Variants in KDM4A observed in about 807,000 individuals in gnomAD.
KDM4A encodes lysine demethylase 4A.
In KDM4A, 23 loss-of-function variants were observed where a neutral mutation model predicts 127.1. The observed-to-expected ratio is 0.18, with a 90% confidence interval of 0.13 to 0.26. The LOEUF (loss-of-function observed/expected upper bound fraction) is 0.26. Ranked by LOEUF, KDM4A falls within the 10% of genes least tolerant of loss-of-function variation. KDM4A has a pLI of 1.00. For missense variants in KDM4A, 890 were observed against 1,329.1 expected, an observed-to-expected ratio of 0.67 and a Z score of 5.14; for synonymous variants, 443 against 466.5, an observed-to-expected ratio of 0.95 and a Z score of 0.65.
chr1:43,655,774 G>C lies in KDM4A; in HGVS notation c.314+8G>C, dbSNP rs367739503. The C allele has an allele frequency of 1.1e-5, 18 of 1,601,784 alleles. No individual in the cohort carries two copies. Among genetic ancestry groups the C allele is most frequent in the Non-Finnish European group, 1.5e-5 (18 of 1,172,320 alleles). On this transcript the variant is annotated splice_region_variant and intron_variant, in intron 3 of 21. Coordinates refer to ENST00000372396, the MANE Select transcript of KDM4A (RefSeq NM_014663.3). ...GATAGCCAATAGCGATAAGTGAGTGGAAACCCTTTCTTACCTGACATAGCA... is the reference window on the plus strand; with the variant it reads ...GATAGCCAATAGCGATAAGTGAGTGCAAACCCTTTCTTACCTGACATAGCA...
chr1:43,703,949 G>A, intron 20 of KDM4A, 71 bp from the exon 21 acceptor site: 2 of 1,395,306 alleles, frequency 1.4e-6, no homozygotes, highest in Non-Finnish European at 2.0e-6. Context: ...GTAGGGGACT[G>A]CCACTGTGCA....
At chr1:43,666,272 TG>T (rs1385590685) in intron 6 of KDM4A, 179 bp from the exon 7 acceptor site, 1 of 579,960 alleles carries the variant, frequency 1.7e-6, no homozygotes, top group Non-Finnish European at 3.0e-6. Flanking sequence ...TACATGGGAG[TG>T]AGCCTAGAGG....
chr1:43,689,458 G>A (rs1661058495), intron 13 of KDM4A, among the ~76,000 whole-genome samples: 1 of 152,208 alleles, frequency 6.6e-6, no homozygotes, highest in African/African-American at 2.4e-5. Context: ...CCTTACCACA[G>A]TCTGAACCTC....
chr1:43,698,461 A>G (rs537187197), intron 19 of KDM4A, among the ~76,000 whole-genome samples: 2 of 152,278 alleles, frequency 1.3e-5, no homozygotes, highest in African/African-American at 4.8e-5. Flanking sequence ...CTTTAGGGCT[A>G]AGTAGAAACT....
At chr1:43,683,842 T>C in intron 12 of KDM4A, 38 bp downstream of exon 12, 1 of 1,611,298 alleles carries the variant, frequency 6.2e-7, no homozygotes, top group South Asian at 1.1e-5. Flanking sequence ...GGAAAGCAGC[T>C]CACCACATTA....
At chr1:43,675,069 G>A (rs1161784381) in intron 11 of KDM4A, among the ~76,000 whole-genome samples, 1 of 152,198 alleles carries the variant, frequency 6.6e-6, no homozygotes, top group Non-Finnish European at 1.5e-5. Context: ...ACCCTTGAGT[G>A]TCTTCTTGGT....
chr1:43,659,323 T>G (rs1365369634), intron 3 of KDM4A, among the ~76,000 whole-genome samples: 1 of 152,060 alleles, frequency 6.6e-6, no homozygotes, highest in African/African-American at 2.4e-5. Context: ...TTTCTTTTCT[T>G]TTTTTGAGAC....
At chr1:43,654,179 C>T (rs1427907850) in intron 2 of KDM4A, among the ~76,000 whole-genome samples, 1 of 152,172 alleles carries the variant, frequency 6.6e-6, no homozygotes, top group African/African-American at 2.4e-5. Flanking sequence ...TGCAGTTTTT[C>T]ATAGCACATT....
At chr1:43,658,021 A>G (rs984791259) in intron 3 of KDM4A, among the ~76,000 whole-genome samples, 2 of 148,804 alleles carry the variant, frequency 1.3e-5, no homozygotes, top group African/African-American at 5.0e-5. Context: ...CCCTATGTCT[A>G]TTCCTTTCGT....
At chr1:43,670,076 A>G (rs890592690) in intron 10 of KDM4A, among the ~76,000 whole-genome samples, 5 of 152,260 alleles carry the variant, frequency 3.3e-5, no homozygotes, top group South Asian at 4.1e-4. Context: ...GAAATAGGAG[A>G]TGATGTAGGG....
In KDM4A at chr1:43,694,731, G is replaced by A. The variant is rs750367448; in HGVS notation, c.2507G>A (p.Arg836Gln). ...CAGAAATGTATCTTCTGTAAGAAGC[G>A]GAGGAAAAGAACTGCTGGCTGCTGT... Reference protein sequence around the residue: ...FKLKCIFCKKRRKRTAGCCVQ... With the variant: ...FKLKCIFCKKQRKRTAGCCVQ... The change falls in exon 18 of 22, where the codon CGG becomes CAG. Residue 836 changes from arginine (R) to glutamine (Q), a missense_variant. Around this residue, in one of 7 missense-constraint regions of KDM4A, gnomAD observed 246 missense variants for 418.4 expected, o/e 0.59. Coordinates refer to ENST00000372396, the MANE Select transcript of KDM4A (RefSeq NM_014663.3). The surrounding 1 kb of genome is among the most constrained non-coding windows in gnomAD (Gnocchi z 5.2). The A allele has an allele frequency of 6.8e-6, 11 of 1,611,926 alleles. No homozygotes were observed. Among genetic ancestry groups the A allele is most frequent in the Middle Eastern group, 1.7e-4 (1 of 6,052 alleles).
rs190032475 is a variant in KDM4A at position 43,691,007 on chromosome 1, A to C, written c.2200A>C (p.Ile734Leu). Reference protein sequence around the residue: ...TPYLEEDGTSILVSCKKCSVR... With the variant: ...TPYLEEDGTSLLVSCKKCSVR... ...TTATCTTGAGGAGGATGGCACCAGC[A>C]TACTCGTTTCCTGCAAGAAGTGCAG... is the stretch of plus-strand genomic sequence containing the variant. The change falls in exon 14 of 22, where the codon ATA becomes CTA. Residue 734 changes from isoleucine (I) to leucine (L), a missense_variant. Coordinates refer to ENST00000372396, the MANE Select transcript of KDM4A (RefSeq NM_014663.3). 1 of 1,614,224 alleles carries C rather than the reference A, an allele frequency of 6.2e-7. No individual in the cohort carries two copies. The highest frequency in any genetic ancestry group is 1.1e-5 in the South Asian group (1 of 91,082).
rs769260054 is a variant in KDM4A, at chr1:43,666,974, G to A, written c.798G>A (p.Glu266=). Residue 266 remains glutamate (E), a synonymous_variant, in exon 8 of 22, where the codon GAG becomes GAA. Transcript: ENST00000372396. ...TTCAGGTGACTCAAGAGGCTGGAGA[G>A]TTTATGATCACTTTCCCTTATGGTT... ...PFDKVTQEAG[E]FMITFPYGYH... is the part of the protein sequence containing the mutation. 6 of 1,613,988 alleles carry A rather than the reference G, an allele frequency of 3.7e-6. No individual in the cohort carries two copies. The highest frequency in any genetic ancestry group is 1.6e-4 in the Middle Eastern group (1 of 6,082).
intron 2 of KDM4A, among the ~76,000 whole-genome samples, chr1:43,654,542 C>A (rs1660191945): frequency 6.9e-6 from 1 of 144,476 alleles, no homozygotes; most frequent in Non-Finnish European, 1.5e-5. Context: ...CTTCTTTTTT[C>A]TCATGTCGAC....
In KDM4A at chr1:43,669,314, G is replaced by T; in HGVS notation, c.1363+15G>T. On this transcript the variant is annotated intron_variant, in intron 10 of 21. Coordinates refer to ENST00000372396, the MANE Select transcript of KDM4A (RefSeq NM_014663.3). ...TACCTTCCCAGGTTAGTTGACTATG[G>T]TGTATTTTCCACAACCCTAACTCAT... The T allele has an allele frequency of 1.2e-6, 2 of 1,613,378 alleles. No individual in the cohort carries two copies. Among genetic ancestry groups the T allele is most frequent in the East Asian group, 2.2e-5 (1 of 44,888 alleles).
intron 11 of KDM4A, 145 bp downstream of exon 11, chr1:43,672,020 GC>G: frequency 1.1e-6 from 1 of 882,542 alleles, no homozygotes; most frequent in Non-Finnish European, 1.6e-6. Flanking sequence ...AGTGCCTCTA[GC>G]CAGCAGTGGT....
At chr1:43,668,080 A>T in intron 9 of KDM4A, 61 bp downstream of exon 9, 1 of 1,587,618 alleles carries the variant, frequency 6.3e-7, no homozygotes, top group East Asian at 2.2e-5. Flanking sequence ...TAGGTCCTGT[A>T]ATCTGTGGAG....
intron 11 of KDM4A, among the ~76,000 whole-genome samples, chr1:43,674,509 C>T (rs1660696299): frequency 6.9e-6 from 1 of 144,314 alleles, no homozygotes. Context: ...ACTAAATGGC[C>T]CTGCTACTTT....
intron 3 of KDM4A, among the ~76,000 whole-genome samples, chr1:43,657,256 G>A (rs1330636847): frequency 6.6e-6 from 1 of 151,712 alleles, no homozygotes; most frequent in African/African-American, 2.4e-5. Flanking sequence ...AGGCTAGAGT[G>A]CAGTGGCGTG....
Sources: allele counts gnomAD v4.1 joint callset (sites outside exome capture counted in the v4.1 genomes callset), GRCh38; gene constraint gnomAD v4.1.1; regional missense constraint gnomAD v4.1.1; non-coding constraint Gnocchi (gnomAD v3.1); transcripts MANE v1.5; gene names NCBI Gene and HGNC (gene_info 2026-07-23, HGNC 2026-07-21).